CACNA2D3: variants seen among roughly 807,000 people sequenced by gnomAD.
The protein encoded by CACNA2D3 is voltage-dependent calcium channel subunit alpha-2/delta-3.
CACNA2D3 carries 60 observed loss-of-function variants against 160.6 expected under a neutral mutation model. The observed-to-expected ratio is 0.37, with a 90% CI of 0.30 to 0.46. The LOEUF is 0.46. Ranked by LOEUF, CACNA2D3 falls within the 20% of genes least tolerant of loss-of-function variation. CACNA2D3 has a pLI of 1.00. For missense variants in CACNA2D3, 1,205 were observed against 1,365.0 expected (o/e 0.88, Z 1.85); for synonymous variants, 558 against 492.9 (o/e 1.13, Z -1.75).
intron 27 of CACNA2D3, among the ~76,000 whole-genome samples, chr3:54,963,939 A>T (rs1702088614): frequency 6.6e-6 from 1 of 152,236 alleles, no homozygotes; most frequent in African/African-American, 2.4e-5. Context: ...AAGTTTCGAT[A>T]TCTGTAGTTA....
chr3:54,215,266 T>C (rs1244200383), intron 2 of CACNA2D3, among the ~76,000 whole-genome samples: 1 of 152,236 alleles, frequency 6.6e-6, no homozygotes, highest in Non-Finnish European at 1.5e-5. Context: ...TTAATCTGTG[T>C]CTACATTATG....
At chr3:54,748,724 C>T (rs568058325) in intron 11 of CACNA2D3, among the ~76,000 whole-genome samples, 1 of 152,274 alleles carries the variant, frequency 6.6e-6, no homozygotes, top group Non-Finnish European at 1.5e-5. Context: ...CTGTGCCGTG[C>T]ACCTGGCCTT....
chr3:54,936,156 A>G (rs1214392457), intron 27 of CACNA2D3, among the ~76,000 whole-genome samples: 4 of 149,772 alleles, frequency 2.7e-5, no homozygotes, highest in African/African-American at 1.0e-4. Flanking sequence ...TATCACGAGA[A>G]TCATAGCAAA....
chr3:54,150,593 A>G (rs1215992268), intron 2 of CACNA2D3, among the ~76,000 whole-genome samples: 8 of 152,264 alleles, frequency 5.3e-5, no homozygotes, highest in East Asian at 1.9e-4. Context: ...TAAATCCTCA[A>G]TAAATGGTAA....
chr3:54,617,799 C>T (rs1698887098), intron 9 of CACNA2D3, among the ~76,000 whole-genome samples: 1 of 152,084 alleles, frequency 6.6e-6, no homozygotes, highest in African/African-American at 2.4e-5. Context: ...GGGAATGAAA[C>T]CAAGTAGAGC....
intron 2 of CACNA2D3, among the ~76,000 whole-genome samples, chr3:54,127,287 C>T (rs1188150850): frequency 6.6e-6 from 1 of 152,228 alleles, no homozygotes; most frequent in African/African-American, 2.4e-5. Context: ...ACTTACCAAA[C>T]ACGCACATCT....
chr3:55,069,561 G>A (rs1462236192), intron 35 of CACNA2D3, among the ~76,000 whole-genome samples: 1 of 152,104 alleles, frequency 6.6e-6, no homozygotes, highest in Non-Finnish European at 1.5e-5. Flanking sequence ...GTCAGGCTGT[G>A]GTTTTATATG....
At chr3:54,159,646 A>G (rs552241396) in intron 2 of CACNA2D3, among the ~76,000 whole-genome samples, 4 of 152,286 alleles carry the variant, frequency 2.6e-5, no homozygotes, top group Non-Finnish European at 5.9e-5. Context: ...TGGGCTTAAC[A>G]CTGGTAAATG....
chr3:54,780,582 C>G (rs1425503754), intron 13 of CACNA2D3, among the ~76,000 whole-genome samples: 1 of 152,186 alleles, frequency 6.6e-6, no homozygotes, highest in Non-Finnish European at 1.5e-5. Context: ...GAAAAACATG[C>G]AGGTCCATGA....
At chr3:54,515,079 T>C (rs1701526172) in intron 5 of CACNA2D3, among the ~76,000 whole-genome samples, 1 of 152,092 alleles carries the variant, frequency 6.6e-6, no homozygotes, top group Non-Finnish European at 1.5e-5. Context: ...TCTGCTGAGC[T>C]GGAACTCCCT....
chr3:54,559,268 C>T (rs1392743406), intron 5 of CACNA2D3, among the ~76,000 whole-genome samples: 1 of 152,068 alleles, frequency 6.6e-6, no homozygotes, highest in East Asian at 1.9e-4. Flanking sequence ...TCTTTGTCTT[C>T]ACCCTTATTT....
intron 2 of CACNA2D3, among the ~76,000 whole-genome samples, chr3:54,227,636 C>A (rs1701699000): frequency 6.6e-6 from 1 of 152,046 alleles, no homozygotes. Context: ...CTCACTGCAA[C>A]CTCCGCCTCT....
intron 11 of CACNA2D3, among the ~76,000 whole-genome samples, chr3:54,714,378 G>T (rs1045741974): frequency 3.9e-5 from 6 of 152,120 alleles, no homozygotes; most frequent in African/African-American, 1.4e-4. Context: ...CTCTGGGGCC[G>T]GGGTATCCTT....
intron 2 of CACNA2D3, among the ~76,000 whole-genome samples, chr3:54,129,488 A>G (rs1456290316): frequency 6.6e-6 from 1 of 152,228 alleles, no homozygotes; most frequent in Non-Finnish European, 1.5e-5. Flanking sequence ...ACCCCAAATC[A>G]ACATTATGAA....
intron 5 of CACNA2D3, among the ~76,000 whole-genome samples, chr3:54,522,933 TTTACTTACTTACTTAC>T (rs61291743): frequency 4.4e-5 from 6 of 135,344 alleles, no homozygotes; most frequent in African/African-American, 1.1e-4. Flanking sequence ...TATTTATTTA[TTTACTTACTTACTTAC>T]TTACTTACTT....
chr3:55,041,202 G>A (rs1250973342), intron 35 of CACNA2D3, among the ~76,000 whole-genome samples: 4 of 152,070 alleles, frequency 2.6e-5, no homozygotes, highest in Non-Finnish European at 5.9e-5. Flanking sequence ...AGGTTACTTC[G>A]AGCCTTGTCT....
At chr3:55,021,510 G>C (rs1703444750) in intron 35 of CACNA2D3, among the ~76,000 whole-genome samples, 1 of 149,704 alleles carries the variant, frequency 6.7e-6, no homozygotes, top group African/African-American at 2.5e-5. Context: ...TTGATGCTTA[G>C]CTTTTCAGGT....
intron 11 of CACNA2D3, among the ~76,000 whole-genome samples, chr3:54,668,952 C>A (rs987526679): frequency 3.3e-5 from 5 of 152,348 alleles, no homozygotes; most frequent in Middle Eastern, 3.4e-3. Context: ...AACACATACA[C>A]CTTCCAGATT....
rs114743197 is a variant in CACNA2D3 at position 54,953,882 on chromosome 3, G to C, written c.2450-14568G>C. Among the ~76,000 whole-genome samples, 1,123 of 152,260 alleles carry C rather than the reference G, an allele frequency of 7.4e-3. 10 individuals carry two copies. The highest frequency in any genetic ancestry group is 0.012 in the Non-Finnish European group (806 of 68,034). On this transcript the variant is annotated intron_variant, in intron 27 of 37. Coordinates refer to ENST00000474759, the MANE Select transcript of CACNA2D3 (RefSeq NM_018398.3). Reference sequence around the variant, plus strand: ...AGGAAAGGCCTGGGACTTGGAGTCTGAGTAGCCTCTTGAGGTCACCCCGTT... The same window carrying C: ...AGGAAAGGCCTGGGACTTGGAGTCTCAGTAGCCTCTTGAGGTCACCCCGTT...
Sources: allele counts gnomAD v4.1 joint callset (sites outside exome capture counted in the v4.1 genomes callset), GRCh38; gene constraint gnomAD v4.1.1; transcripts MANE v1.5; gene names NCBI Gene and HGNC (gene_info 2026-07-23, HGNC 2026-07-21).